ADAM29: variants seen among roughly 807,000 people sequenced by gnomAD.
ADAM29 encodes the protein disintegrin and metalloproteinase domain-containing protein 29.
For missense variants in ADAM29, 969 were observed against 1,001.8 expected (o/e 0.97, Z 0.44); for synonymous variants, 367 against 342.3 (o/e 1.07, Z -0.80).
At chr4:174,921,385 T>A (rs1578997208) in intron 2 of ADAM29, among the ~76,000 whole-genome samples, 1 of 152,216 alleles carries the variant, frequency 6.6e-6, no homozygotes, top group Non-Finnish European at 1.5e-5. Flanking sequence ...TCAACCAACA[T>A]CAGTGAGAAA....
chr4:174,975,917 A>G lies in ADAM29; in HGVS notation c.392A>G (p.Asp131Gly), dbSNP rs1349438171. 2 of 1,613,700 alleles carry G rather than the reference A, an allele frequency of 1.2e-6. No homozygotes were observed. The highest frequency in any genetic ancestry group is 4.5e-5 in the East Asian group (2 of 44,884). The change falls in exon 5 of 5, where the codon GAC (aspartate) becomes GGC (glycine). Residue 131 changes from aspartate (D) to glycine (G), a missense_variant. Transcript: ENST00000359240. ...GGFQGILQIN[D>G]FAYEIKPLAF... ...TTTCAAGGAATATTACAGATAAATG[A>G]CTTTGCTTATGAAATCAAGCCCCTA...
At chr4:174,937,793 A>G (rs1744286719) in intron 4 of ADAM29, among the ~76,000 whole-genome samples, 1 of 152,034 alleles carries the variant, frequency 6.6e-6, no homozygotes, top group African/African-American at 2.4e-5. Flanking sequence ...ATACTTTTTC[A>G]TATAAGAAGG....
Position 174,976,599 on chromosome 4 carries a change from A to C in ADAM29, c.1074A>C (p.Glu358Asp). ...RCSQPRCIMHEGNPPITKFSN... is the reference protein window; with the variant it reads ...RCSQPRCIMHDGNPPITKFSN... ...CACAACCTAGATGCATAATGCATGA[A>C]GGCAACCCACCAATAACTAAATTTA... The change falls in exon 5 of 5, where the codon GAA (glutamate) becomes GAC (aspartate). Residue 358 changes from glutamate to aspartate, a missense_variant. Glu to Asp is a conservative substitution (Grantham distance 45, BLOSUM62 2). Coordinates refer to ENST00000359240, the MANE Select transcript of ADAM29 (RefSeq NM_014269.4). 6.2e-7 allele frequency: 1 copy of C among 1,606,406 alleles called. No individual in the cohort carries two copies. The highest frequency in any genetic ancestry group is 1.1e-5 in the South Asian group (1 of 89,402).
At chr4:174,928,579 A>AAAAAG (rs1743662876) in intron 2 of ADAM29, among the ~76,000 whole-genome samples, 2 of 151,668 alleles carry the variant, frequency 1.3e-5, no homozygotes, top group Non-Finnish European at 2.9e-5. Context: ...TAAAAAAAAA[A>AAAAAG]AAGACACCAG....
At chr4:174,918,869 T>C (rs1013948994) in intron 1 of ADAM29, 2 of 152,226 alleles carry the variant, frequency 1.3e-5, no homozygotes, top group Non-Finnish European at 2.9e-5. Flanking sequence ...TATTATTTTG[T>C]CTTTGGTGCA....
rs144290797 is a variant in ADAM29 at position 174,952,248 on chromosome 4, TTA to T, written c.-181+15237_-181+15238del. ...CTCCGCGGATTCTTCCTGGATAACT[TTA>T]TCTCTATTCCTAGCTGCTGCGATGA... On this transcript the variant is annotated intron_variant, in intron 4 of 4. Transcript: ENST00000359240. 4.3e-3 allele frequency among the ~76,000 whole-genome samples: 661 copies of T among 152,084 alleles called. 1 individual carries two copies. The highest frequency in any genetic ancestry group is 0.02 in the Middle Eastern group (6 of 294).
chr4:174,962,098 T>C (rs1745854765), intron 4 of ADAM29, among the ~76,000 whole-genome samples: 1 of 152,234 alleles, frequency 6.6e-6, no homozygotes, highest in Admixed American at 6.5e-5. Context: ...AAATACTGAT[T>C]AACTTCATAT....
Position 174,976,655 on chromosome 4 carries a change from A to G in ADAM29, c.1130A>G (p.Tyr377Cys). The G allele has an allele frequency of 1.2e-6, 2 of 1,613,874 alleles. No individual in the cohort carries two copies. The highest frequency in any genetic ancestry group is 2.2e-5 in the East Asian group (1 of 44,866). The change falls in exon 5 of 5, where the codon TAT becomes TGT. Residue 377 changes from tyrosine (Y) to cysteine (C), a missense_variant. Coordinates refer to ENST00000359240, the MANE Select transcript of ADAM29 (RefSeq NM_014269.4). ...SNCSYGDFWE[Y>C]TVERTKCLLE... ...TGTAGTTATGGTGATTTTTGGGAAT[A>G]TACTGTAGAGAGGACAAAGTGTTTG...
rs1746879760 is a variant in ADAM29, at chr4:174,977,156, G to A, written c.1631G>A (p.Cys544Tyr). ...CGIKNATYIK[C>Y]NISDVQCGRI... is the part of the protein sequence containing the mutation. Reference sequence around the variant, plus strand: ...ATCAAAAATGCTACATATATAAAGTGTAATATCTCAGATGTCCAGTGTGGA... The same window carrying A: ...ATCAAAAATGCTACATATATAAAGTATAATATCTCAGATGTCCAGTGTGGA... Residue 544 changes from cysteine to tyrosine, a missense_variant, in exon 5 of 5, where the codon TGT (cysteine) becomes TAT (tyrosine). Cys to Tyr is a radical substitution (Grantham distance 194). Transcript: ENST00000359240. The A allele has an allele frequency of 2.5e-6, 4 of 1,614,102 alleles. No individual in the cohort carries two copies. The highest frequency in any genetic ancestry group is 3.4e-6 in the Non-Finnish European group (4 of 1,180,032).
In ADAM29 at chr4:174,975,367, A is replaced by C; in HGVS notation, c.-159A>C. ...ATAGTGCTGCAGCTCTGATGGTTCA[A>C]CTCTGCCAAAAGATGGATCTTTAAT... On this transcript the variant is annotated 5_prime_UTR_variant, in exon 5 of 5. Coordinates refer to ENST00000359240, the MANE Select transcript of ADAM29 (RefSeq NM_014269.4). 1 of 538,346 alleles carries C rather than the reference A, an allele frequency of 1.9e-6. No individual in the cohort carries two copies. Among genetic ancestry groups the C allele is most frequent in the Non-Finnish European group, 3.0e-6 (1 of 337,420 alleles). 33.3% of individuals were successfully genotyped at this position (538,346 alleles called of 1,614,324 possible).
intron 4 of ADAM29, among the ~76,000 whole-genome samples, chr4:174,952,394 A>T (rs1011673766): frequency 4.6e-5 from 7 of 151,846 alleles, no homozygotes; most frequent in African/African-American, 7.3e-5. Context: ...TAATTACAGC[A>T]GTTTAAAATG....
rs149627995 is a variant in ADAM29, at chr4:174,927,887, T to C, written c.-450-3099T>C. Reference sequence around the variant, plus strand: ...ATTCCTCTTGCTGGTGGAATCTTGCTTGGTATTATTGGAGGGACATGCATT... The same window carrying C: ...ATTCCTCTTGCTGGTGGAATCTTGCCTGGTATTATTGGAGGGACATGCATT... On this transcript the variant is annotated intron_variant, in intron 2 of 4. Transcript: ENST00000359240. Among the ~76,000 whole-genome samples, 133 of 152,262 alleles carry C rather than the reference T, an allele frequency of 8.7e-4. 1 individual carries two copies. Among genetic ancestry groups the C allele is most frequent in the Admixed American group, 4.4e-3 (68 of 15,298 alleles).
chr4:174,948,791 G>T (rs1744999608), intron 4 of ADAM29, among the ~76,000 whole-genome samples: 1 of 152,164 alleles, frequency 6.6e-6, no homozygotes. Context: ...AGCTGAGGTT[G>T]TTGGCACCTG....
chr4:174,968,058 G>A (rs754800682), intron 4 of ADAM29, among the ~76,000 whole-genome samples: 12 of 151,998 alleles, frequency 7.9e-5, no homozygotes, highest in Non-Finnish European at 1.8e-4. Flanking sequence ...ATAAAACCAT[G>A]ATTTTTCCTT....
chr4:174,938,342 A>G (rs1177121550), intron 4 of ADAM29, among the ~76,000 whole-genome samples: 1 of 152,124 alleles, frequency 6.6e-6, no homozygotes, highest in Non-Finnish European at 1.5e-5. Flanking sequence ...GAATGTGAAA[A>G]TTCTGTTCCT....
At chr4:174,970,308 C>T (rs1746400359) in intron 4 of ADAM29, among the ~76,000 whole-genome samples, 1 of 152,010 alleles carries the variant, frequency 6.6e-6, no homozygotes, top group Non-Finnish European at 1.5e-5. Flanking sequence ...AATCAGATGA[C>T]CCTAAAATAG....
At chr4:174,948,887 A>C (rs1413998177) in intron 4 of ADAM29, among the ~76,000 whole-genome samples, 1 of 152,090 alleles carries the variant, frequency 6.6e-6, no homozygotes, top group African/African-American at 2.4e-5. Flanking sequence ...GGCGGTGGCA[A>C]AGCAGCATCA....
intron 4 of ADAM29, among the ~76,000 whole-genome samples, chr4:174,965,307 C>T (rs1215020827): frequency 6.6e-6 from 1 of 151,924 alleles, no homozygotes; most frequent in East Asian, 1.9e-4. Context: ...GAGAAATAAC[C>T]CATTCTCTTA....
At position 174,976,401 on chromosome 4, in the gene ADAM29, A is replaced by G; in HGVS notation, c.876A>G (p.Leu292=). ...ACACCTCACATCTTTTCACAACTCTAGGATTAAGAGGGTTAAGTGGCATAG... is the reference window on the plus strand; with the variant it reads ...ACACCTCACATCTTTTCACAACTCTGGGATTAAGAGGGTTAAGTGGCATAG... ...QHDTSHLFTT[L]GLRGLSGIGA... is the part of the protein sequence containing the mutation. Residue 292 remains leucine, a synonymous_variant, in exon 5 of 5, where the codon CTA becomes CTG. Transcript: ENST00000359240. 6.3e-7 allele frequency: 1 copy of G among 1,596,986 alleles called. No homozygotes were observed.
Sources: allele counts gnomAD v4.1 joint callset (sites outside exome capture counted in the v4.1 genomes callset), GRCh38; gene constraint gnomAD v4.1.1; transcripts MANE v1.5; gene names NCBI Gene and HGNC (gene_info 2026-07-23, HGNC 2026-07-21).